Variants in RADIL observed in about 807,000 individuals in gnomAD.
RADIL encodes the protein ras-associating and dilute domain-containing protein.
RADIL carries 99 observed loss-of-function variants against 97.6 expected under a neutral mutation model. That is an observed-to-expected ratio of 1.01 (90% CI 0.86 to 1.20). The LOEUF is 1.20. Ranked by LOEUF, RADIL falls within the 50% of genes most tolerant of loss-of-function variation. The pLI is 0.00. For synonymous variants in RADIL, 803 were observed against 691.8 expected, an observed-to-expected ratio of 1.16 and a Z score of -2.52; for missense variants, 1,765 against 1,498.9, an observed-to-expected ratio of 1.18 and a Z score of -2.93.
At chr7:4,876,162 T>A (rs554722990) in intron 2 of RADIL, among the ~76,000 whole-genome samples, 21 of 151,228 alleles carry the variant, frequency 1.4e-4, no homozygotes, top group African/African-American at 5.2e-4. Context: ...CTAATTTTTT[T>A]ATTTTTTGTA....
At chr7:4,806,825 C>G (rs551239343) in intron 9 of RADIL, among the ~76,000 whole-genome samples, 2 of 152,350 alleles carry the variant, frequency 1.3e-5, no homozygotes, top group East Asian at 3.9e-4. Flanking sequence ...CCTTCGGATT[C>G]TGCAGGTGCT....
chr7:4,838,132 C>CTG, intron 2 of RADIL: 1 of 893,074 alleles, frequency 1.1e-6, no homozygotes, highest in African/African-American at 1.8e-5. Context: ...GGCTGCTCAC[C>CTG]ACCCGTGCTC....
intron 2 of RADIL, among the ~76,000 whole-genome samples, chr7:4,862,351 G>A (rs777988604): frequency 1.3e-5 from 2 of 152,186 alleles, no homozygotes; most frequent in Admixed American, 6.5e-5. Flanking sequence ...GGGAACCCGC[G>A]GTGGAAAGCA....
chr7:4,833,174 A>G (rs1783196045), intron 4 of RADIL, among the ~76,000 whole-genome samples: 2 of 152,180 alleles, frequency 1.3e-5, no homozygotes, highest in Admixed American at 1.3e-4. Context: ...TCCCTCAGCA[A>G]GTGACTTACG....
Position 4,817,155 on chromosome 7 carries a change from C to G in RADIL, c.1728+84G>C. On this transcript the variant is annotated intron_variant, in intron 7 of 14. Transcript: ENST00000399583. The surrounding 1 kb of genome is among the most constrained non-coding windows in gnomAD (Gnocchi z 8.3). ...CCCTCCCTCAGCCCCCCAGAAGGCT[C>G]CTTAGGAGAGCCACAGGCACAAGCT... 1 of 1,263,696 alleles carries G rather than the reference C, an allele frequency of 7.9e-7. No individual in the cohort carries two copies. The highest frequency in any genetic ancestry group is 1.1e-6 in the Non-Finnish European group (1 of 890,550). The allele number at this position is 1,263,696 out of a possible 1,614,324, so 78.3% of individuals were successfully genotyped here.
chr7:4,841,694 G>A (rs1056480257), intron 2 of RADIL, among the ~76,000 whole-genome samples: 1 of 152,184 alleles, frequency 6.6e-6, no homozygotes, highest in Admixed American at 6.5e-5. Flanking sequence ...CAACCCTCAG[G>A]AAACTGCCTG....
In RADIL at chr7:4,805,630, C is replaced by T. The variant is rs750148204; in HGVS notation, c.2226G>A (p.Ser742=). 48 of 1,611,592 alleles carry T rather than the reference C, an allele frequency of 3.0e-5. No individual in the cohort carries two copies. In the Admixed American group the frequency reaches 3.0e-4, roughly 10 times the overall value. ...CCCAGGTGCTCATGGGGCCCATGGC[C>T]GAGGCCAGCTGGTAGTGAGTCAGCA... ...HRLLTHYQLA[S]AMGPMSTWEP... Residue 742 remains serine, a synonymous_variant, in exon 10 of 15, where the codon TCG becomes TCA. Coordinates refer to ENST00000399583, the MANE Select transcript of RADIL (RefSeq NM_018059.5).
At chr7:4,859,655 G>A (rs1038556202) in intron 2 of RADIL, 2 of 504,074 alleles carry the variant, frequency 4.0e-6, no homozygotes, top group Non-Finnish European at 7.1e-6. Context: ...ATGGACCCTT[G>A]AGGTTGTTTT....
chr7:4,850,961 G>A (rs1039377522), intron 2 of RADIL, among the ~76,000 whole-genome samples: 3 of 152,126 alleles, frequency 2.0e-5, no homozygotes, highest in African/African-American at 7.2e-5. Flanking sequence ...CAGCACTTTG[G>A]GAGGCCAAGG....
chr7:4,860,248 G>A (rs558866773), intron 2 of RADIL: 3 of 1,613,990 alleles, frequency 1.9e-6, no homozygotes, highest in African/African-American at 1.3e-5. Flanking sequence ...CAAAGCTGCT[G>A]TCGTTCAAAT....
intron 4 of RADIL, among the ~76,000 whole-genome samples, chr7:4,832,686 A>C (rs894011596): frequency 6.7e-6 from 1 of 149,004 alleles, no homozygotes; most frequent in South Asian, 2.1e-4. Context: ...TTGCAGTGAG[A>C]CGAGATCACG....
intron 2 of RADIL, among the ~76,000 whole-genome samples, chr7:4,857,115 C>T (rs1027123564): frequency 6.6e-6 from 1 of 152,172 alleles, no homozygotes; most frequent in African/African-American, 2.4e-5. Context: ...TTAACAATTT[C>T]TGTTCATCTT....
intron 10 of RADIL, 199 bp from the exon 11 acceptor site, chr7:4,803,953 C>T (rs147281855): frequency 1.5e-6 from 1 of 674,306 alleles, no homozygotes; most frequent in African/African-American, 1.8e-5. Flanking sequence ...TTCCCGCCGA[C>T]CACCCGGTGT....
In RADIL at chr7:4,854,782, T is replaced by TA. The variant is rs1212841429; in HGVS notation, c.536-18178dup. On this transcript the variant is annotated intron_variant, in intron 2 of 14. Transcript: ENST00000399583. The surrounding 1 kb of genome is among the most constrained non-coding windows in gnomAD (Gnocchi z 5.1). ...CACACATATGAAAGCATTTGTAACTTAGACTAATAACAAAATAAACACCAT... is the reference window on the plus strand; with the variant it reads ...CACACATATGAAAGCATTTGTAACTTAAGACTAATAACAAAATAAACACCAT... Among the ~76,000 whole-genome samples, 34 of 152,256 alleles carry TA rather than the reference T, an allele frequency of 2.2e-4. No homozygotes were observed. The highest frequency in any genetic ancestry group is 7.9e-4 in the African/African-American group (33 of 41,556).
chr7:4,801,198 A>G (rs1782072429), intron 12 of RADIL, among the ~76,000 whole-genome samples: 1 of 152,076 alleles, frequency 6.6e-6, no homozygotes, highest in African/African-American at 2.4e-5. Flanking sequence ...ACACCCATGC[A>G]CACACGCACC....
Position 4,836,420 on chromosome 7 carries a change from T to C in RADIL, c.721A>G (p.Met241Val), listed in dbSNP as rs1289135558. ...GGGGACTGGTACAGCGAGTACCGCA[T>C]GGCGTCGGGGCCGGGCTCCTCGGGG... ...QGPEEPGPDA[M>V]RYSLYQSPHL... Residue 241 changes from methionine (M) to valine (V), a missense_variant, in exon 3 of 15, where the codon ATG becomes GTG. Coordinates refer to ENST00000399583, the MANE Select transcript of RADIL (RefSeq NM_018059.5). 1.3e-6 allele frequency: 2 copies of C among 1,586,364 alleles called. No homozygotes were observed. The highest frequency in any genetic ancestry group is 1.8e-5 in the Admixed American group (1 of 55,210).
intron 5 of RADIL, among the ~76,000 whole-genome samples, chr7:4,829,224 C>T (rs62450189): frequency 0.045 from 6,861 of 152,348 alleles, 224 homozygotes; most frequent in Middle Eastern, 0.12. Flanking sequence ...CGATGCTATC[C>T]GGGGCCTGGC....
chr7:4,816,201 CCCCTCAACCCTGCACGAGG>C lies in RADIL; in HGVS notation c.1966+8_1966+26del. The C allele has an allele frequency of 1.3e-6, 2 of 1,586,364 alleles. No homozygotes were observed. The highest frequency in any genetic ancestry group is 1.7e-6 in the Non-Finnish European group (2 of 1,158,576). On this transcript the variant is annotated splice_region_variant and intron_variant, in intron 8 of 14. Coordinates refer to ENST00000399583, the MANE Select transcript of RADIL (RefSeq NM_018059.5). ...CATGTCCAGGAATGTGAGCCCCCGA[CCCCTCAACCCTGCACGAGG>C]CCCTCACCCCTGTCGAGGAGCTGGT...
At chr7:4,841,555 C>A (rs960696058) in intron 2 of RADIL, among the ~76,000 whole-genome samples, 2 of 152,178 alleles carry the variant, frequency 1.3e-5, no homozygotes, top group African/African-American at 4.8e-5. Flanking sequence ...AGGAAGCCGG[C>A]GGGCGCGGGT....
Sources: gnomAD v4.1 joint callset for allele counts (sites outside exome capture counted in the v4.1 genomes callset) on GRCh38, gnomAD v4.1.1 for gene constraint, Gnocchi (gnomAD v3.1) non-coding constraint, MANE v1.5 for transcripts, NCBI Gene and HGNC (gene_info 2026-07-23, HGNC 2026-07-21) for gene names.